The following ZNF254 variants were observed in gnomAD, a reference collection of about 807,000 sequenced individuals.
ZNF254 encodes CTD-2017D11.1.
A neutral mutation model predicts 12.4 loss-of-function variants in ZNF254; 10 were observed. The observed-to-expected ratio is 0.80, with a 90% CI of 0.50 to 1.36. The LOEUF is 1.36. ZNF254 is among the 40% of genes most tolerant of loss of function. The pLI is 0.00. For synonymous variants in ZNF254, 305 were observed against 253.4 expected (o/e 1.20, Z -1.93); for missense variants, 996 against 763.9 (o/e 1.30, Z -3.58).
chr19:24,036,047 C>CTTTTGTTTTGTTTTG (rs74635617), intron 1 of ZNF254, among the ~76,000 whole-genome samples: 2 of 151,074 alleles, frequency 1.3e-5, no homozygotes, highest in African/African-American at 4.9e-5. Context: ...AAGTATAATG[C>CTTTTGTTTTGTTTTG]TTTTGTTTTG....
chr19:24,129,777 A>G lies in ZNF254; in HGVS notation c.*1797A>G, dbSNP rs1025513611. ...TGATTACAGGGTCATTTTTATGGTC[A>G]TAATAAAAAATTTTATACAAACGTG... On this transcript the variant is annotated 3_prime_UTR_variant, in exon 4 of 4. Coordinates refer to ENST00000357002, the MANE Select transcript of ZNF254 (RefSeq NM_203282.4). 1 of 152,026 alleles carries G rather than the reference A, an allele frequency of 6.6e-6. No homozygotes were observed. Among genetic ancestry groups the G allele is most frequent in the Non-Finnish European group, 1.5e-5 (1 of 67,946 alleles). The allele number at this position is 152,026 out of a possible 1,614,324, so 9.4% of individuals were successfully genotyped here.
At chr19:24,043,495 C>T (rs1375861204) in intron 1 of ZNF254, among the ~76,000 whole-genome samples, 1 of 152,130 alleles carries the variant, frequency 6.6e-6, no homozygotes, top group Non-Finnish European at 1.5e-5. Context: ...CTCCTGACCT[C>T]AGGTGATCCA....
chr19:24,107,048 G>A, intron 3 of ZNF254: 2 of 443,014 alleles, frequency 4.5e-6, no homozygotes, highest in South Asian at 5.7e-5. Flanking sequence ...CTGTTATATT[G>A]GGTTTTTTCT....
intron 1 of ZNF254, among the ~76,000 whole-genome samples, chr19:24,041,887 CTG>C (rs1256158599): frequency 6.6e-6 from 1 of 152,114 alleles, no homozygotes; most frequent in Non-Finnish European, 1.5e-5. Flanking sequence ...AATCCACACT[CTG>C]TATCTAGCTG....
chr19:24,122,535 C>G (rs558949209), intron 3 of ZNF254, among the ~76,000 whole-genome samples: 1 of 152,056 alleles, frequency 6.6e-6, no homozygotes, highest in Admixed American at 6.6e-5. Context: ...CCAATTTTTT[C>G]TGTTTTATGG....
chr19:24,091,699 G>A (rs1972393693), intron 1 of ZNF254, among the ~76,000 whole-genome samples: 1 of 151,526 alleles, frequency 6.6e-6, no homozygotes, highest in Admixed American at 6.6e-5. Flanking sequence ...CACCATGTTG[G>A]CCAGGCTGGT....
intron 1 of ZNF254, among the ~76,000 whole-genome samples, chr19:24,038,700 G>A (rs1451118045): frequency 6.6e-6 from 1 of 152,176 alleles, no homozygotes; most frequent in African/African-American, 2.4e-5. Flanking sequence ...CAATTGTGCA[G>A]TAAAGTGCAC....
intron 1 of ZNF254, among the ~76,000 whole-genome samples, chr19:24,091,617 G>A (rs1469891281): frequency 2.0e-5 from 3 of 151,748 alleles, no homozygotes; most frequent in Admixed American, 2.0e-4. Context: ...CTCAGCCTCC[G>A]GAGTAGCTGA....
chr19:24,097,463 G>A (rs1238911009), intron 1 of ZNF254, among the ~76,000 whole-genome samples: 10 of 152,050 alleles, frequency 6.6e-5, no homozygotes, highest in Non-Finnish European at 1.3e-4. Context: ...GCAGGCTGAA[G>A]TATTTATACT....
At chr19:24,111,564 CACCA>C (rs1295680577) in intron 3 of ZNF254, among the ~76,000 whole-genome samples, 13 of 152,340 alleles carry the variant, frequency 8.5e-5, no homozygotes, top group Middle Eastern at 3.4e-3. Flanking sequence ...TTGACAGTCC[CACCA>C]ACAGTGTAAA....
upstream of ZNF254, chr19:24,087,125 TG>T: frequency 1.5e-6 from 1 of 665,842 alleles, no homozygotes; most frequent in East Asian, 3.1e-5. Context: ...GACGTTGGGC[TG>T]GGAACTGTCC....
chr19:24,110,114 A>T (rs1973576980), intron 3 of ZNF254, among the ~76,000 whole-genome samples: 1 of 152,154 alleles, frequency 6.6e-6, no homozygotes. Flanking sequence ...GTTTAATGAT[A>T]AATATGTATT....
chr19:24,087,132 T>A, upstream of ZNF254: 1 of 711,074 alleles, frequency 1.4e-6, no homozygotes. Flanking sequence ...GGCTGGGAAC[T>A]GTCCAATCAG....
upstream of ZNF254, among the ~76,000 whole-genome samples, chr19:24,085,408 G>GTATATATATATATATATCTATATA (rs1971990617): frequency 3.1e-5 from 1 of 32,710 alleles, no homozygotes; most frequent in Non-Finnish European, 5.4e-5. Context: ...TTTGTTAAGG[G>GTATATATATATATATATCTATATA]TATATATATA....
intron 3 of ZNF254, among the ~76,000 whole-genome samples, chr19:24,115,228 A>G (rs1168705114): frequency 2.0e-5 from 3 of 151,936 alleles, no homozygotes; most frequent in Admixed American, 6.5e-5. Context: ...ATGCACAAGT[A>G]TGTTTATTGT....
At chr19:24,122,345 C>T (rs1235529895) in intron 3 of ZNF254, among the ~76,000 whole-genome samples, 1 of 152,134 alleles carries the variant, frequency 6.6e-6, no homozygotes, top group Non-Finnish European at 1.5e-5. Flanking sequence ...ATGCCTCAGC[C>T]TCCTTAGTAG....
chr19:24,082,411 C>T (rs533258713), upstream of ZNF254, among the ~76,000 whole-genome samples: 6 of 135,890 alleles, frequency 4.4e-5, no homozygotes, highest in East Asian at 1.3e-3. Context: ...CTTTGGGAGG[C>T]CGAGGCGGGC....
chr19:24,059,349 C>T (rs1385799733), intron 2 of ZNF254, among the ~76,000 whole-genome samples: 3 of 152,112 alleles, frequency 2.0e-5, no homozygotes, highest in Non-Finnish European at 2.9e-5. Flanking sequence ...ATTGTGTGGC[C>T]CAGAACTTAC....
intron 2 of ZNF254, among the ~76,000 whole-genome samples, chr19:24,055,133 G>A (rs1389630063): frequency 7.0e-6 from 1 of 143,590 alleles, no homozygotes; most frequent in Non-Finnish European, 1.5e-5. Flanking sequence ...AACCCGGGAG[G>A]TGGAGGTTGC....
Sources: allele counts gnomAD v4.1 joint callset (sites outside exome capture counted in the v4.1 genomes callset), GRCh38; gene constraint gnomAD v4.1.1; transcripts MANE v1.5; gene names NCBI Gene and HGNC (gene_info 2026-07-23, HGNC 2026-07-21).